The following KHDRBS3 variants were observed in gnomAD, a reference collection of about 807,000 sequenced individuals.
The protein encoded by KHDRBS3 is KH RNA binding domain containing, signal transduction associated 3.
KHDRBS3 carries 23 observed loss-of-function variants against 45.6 expected under a neutral mutation model. The ratio of observed to expected loss-of-function variants is 0.50; its 90% CI spans 0.36 to 0.72. The LOEUF is 0.72. Among genes scored for constraint, KHDRBS3 ranks in the 30% least tolerant of loss-of-function variants. The probability of loss-of-function intolerance (pLI) is 0.00; values close to 1 mark genes in which losing one functional copy is unlikely to be tolerated. For synonymous variants in KHDRBS3, 162 were observed against 156.5 expected (o/e 1.04, Z -0.26); for missense variants, 352 against 424.8 (o/e 0.83, Z 1.51).
intron 7 of KHDRBS3, among the ~76,000 whole-genome samples, chr8:135,644,592 C>A (rs2131197682): frequency 6.6e-6 from 1 of 152,352 alleles, no homozygotes; most frequent in Middle Eastern, 3.4e-3. Flanking sequence ...GAAATAAAGT[C>A]TTTGCCTTCT....
At chr8:135,581,546 GGGA>G (rs1828207811) in intron 5 of KHDRBS3, among the ~76,000 whole-genome samples, 1 of 152,144 alleles carries the variant, frequency 6.6e-6, no homozygotes, top group African/African-American at 2.4e-5. Context: ...CTCATAGTGT[GGGA>G]GTGAAGTTTG....
chr8:135,569,504 G>A (rs892304917), intron 5 of KHDRBS3, among the ~76,000 whole-genome samples: 2 of 152,100 alleles, frequency 1.3e-5, no homozygotes, highest in Admixed American at 6.6e-5. Flanking sequence ...TTCTAAGTTT[G>A]GATTGTCTTG....
intron 5 of KHDRBS3, among the ~76,000 whole-genome samples, chr8:135,559,348 TTTTG>T (rs1002558690): frequency 3.3e-5 from 5 of 152,132 alleles, no homozygotes; most frequent in Non-Finnish European, 4.4e-5. Flanking sequence ...TTTTATTTTA[TTTTG>T]TTTATTTATT....
intron 7 of KHDRBS3, among the ~76,000 whole-genome samples, chr8:135,628,269 T>C (rs545462363): frequency 6.6e-6 from 1 of 152,294 alleles, no homozygotes; most frequent in South Asian, 2.1e-4. Context: ...ACATGGTTTA[T>C]CACAAAGACC....
At chr8:135,610,204 G>A (rs1471034585) in intron 7 of KHDRBS3, among the ~76,000 whole-genome samples, 1 of 151,896 alleles carries the variant, frequency 6.6e-6, no homozygotes, top group African/African-American at 2.4e-5. Flanking sequence ...AGATCACTAA[G>A]GGGAGCTAGC....
At chr8:135,568,177 G>A (rs896138142) in intron 5 of KHDRBS3, among the ~76,000 whole-genome samples, 24 of 152,100 alleles carry the variant, frequency 1.6e-4, no homozygotes, top group Admixed American at 5.9e-4. Flanking sequence ...AATTCCTTAT[G>A]CTGTCTCCAT....
intron 7 of KHDRBS3, chr8:135,625,661 G>T: frequency 1.2e-6 from 1 of 827,670 alleles, no homozygotes; most frequent in Non-Finnish European, 2.1e-6. Flanking sequence ...AACACTGAAC[G>T]AATTCAAAAT....
chr8:135,613,158 A>G (rs1208222727), intron 7 of KHDRBS3, among the ~76,000 whole-genome samples: 1 of 151,916 alleles, frequency 6.6e-6, no homozygotes, highest in Non-Finnish European at 1.5e-5. Flanking sequence ...GTTATTTAAA[A>G]TATAGCTTAG....
At chr8:135,535,203 A>G (rs148061885) in intron 2 of KHDRBS3, among the ~76,000 whole-genome samples, 1,627 of 149,450 alleles carry the variant, frequency 0.011, 31 homozygotes, top group African/African-American at 0.036. Context: ...CTGTTAATAT[A>G]CCTGTTTATT....
chr8:135,518,433 C>T (rs1307124561), intron 1 of KHDRBS3, among the ~76,000 whole-genome samples: 1 of 152,106 alleles, frequency 6.6e-6, no homozygotes, highest in East Asian at 1.9e-4. Flanking sequence ...CTCGGCCTCC[C>T]AAAGTACTGG....
intron 6 of KHDRBS3, among the ~76,000 whole-genome samples, chr8:135,604,420 A>G (rs1829362646): frequency 6.6e-6 from 1 of 151,828 alleles, no homozygotes; most frequent in South Asian, 2.1e-4. Context: ...ACTTAATGTA[A>G]TTACTGATAA....
At chr8:135,513,319 C>T (rs887500162) in intron 1 of KHDRBS3, among the ~76,000 whole-genome samples, 2 of 152,104 alleles carry the variant, frequency 1.3e-5, no homozygotes, top group African/African-American at 2.4e-5. Flanking sequence ...TAGGCATGTA[C>T]GGTATTTGGC....
At chr8:135,629,794 C>T (rs1830518806) in intron 7 of KHDRBS3, among the ~76,000 whole-genome samples, 1 of 152,208 alleles carries the variant, frequency 6.6e-6, no homozygotes, top group Admixed American at 6.5e-5. Flanking sequence ...AACCCATGTT[C>T]TATGTCTGAG....
intron 3 of KHDRBS3, among the ~76,000 whole-genome samples, chr8:135,545,055 G>A (rs1383495405): frequency 6.6e-6 from 1 of 152,016 alleles, no homozygotes; most frequent in Non-Finnish European, 1.5e-5. Flanking sequence ...TAAAATGTCC[G>A]AGATCCTTGC....
At chr8:135,581,574 A>G (rs1021140446) in intron 5 of KHDRBS3, among the ~76,000 whole-genome samples, 7 of 152,170 alleles carry the variant, frequency 4.6e-5, no homozygotes, top group African/African-American at 1.4e-4. Context: ...TAATCCTGGC[A>G]TGGCATTATA....
chr8:135,581,112 C>T (rs1339264109), intron 5 of KHDRBS3, among the ~76,000 whole-genome samples: 1 of 152,212 alleles, frequency 6.6e-6, no homozygotes. Context: ...TGTAGGCAGC[C>T]AGCCTGCCAG....
At chr8:135,587,949 A>T (rs975216205) in intron 6 of KHDRBS3, among the ~76,000 whole-genome samples, 3 of 152,148 alleles carry the variant, frequency 2.0e-5, no homozygotes, top group African/African-American at 7.2e-5. Context: ...TGAAAGGAAA[A>T]CTGTTTCCTC....
chr8:135,473,842 T>TCTTG (rs1822135766), intron 1 of KHDRBS3, among the ~76,000 whole-genome samples: 1 of 152,178 alleles, frequency 6.6e-6, no homozygotes, highest in Non-Finnish European at 1.5e-5. Context: ...CCTTTAAGCC[T>TCTTG]CTTGCTTACT....
At chr8:135,555,373 ATT>A (rs113293183) in intron 4 of KHDRBS3, among the ~76,000 whole-genome samples, 2 of 141,044 alleles carry the variant, frequency 1.4e-5, no homozygotes, top group Non-Finnish European at 3.1e-5. Flanking sequence ...AAACATTGAG[ATT>A]TTTTTTTTTT....
Sources: allele counts gnomAD v4.1 joint callset (sites outside exome capture counted in the v4.1 genomes callset), GRCh38; gene constraint gnomAD v4.1.1; transcripts MANE v1.5; gene names NCBI Gene and HGNC (gene_info 2026-07-23, HGNC 2026-07-21).